The following FHOD3 variants were observed in gnomAD, a reference collection of about 807,000 sequenced individuals.
The protein encoded by FHOD3 is FH1/FH2 domain-containing protein 3.
In FHOD3, 90 loss-of-function variants were observed where a neutral mutation model predicts 173.0. The ratio of observed to expected loss-of-function variants is 0.52; its 90% CI spans 0.44 to 0.62. The LOEUF (loss-of-function observed/expected upper bound fraction) is 0.62. Ranked by LOEUF, FHOD3 falls within the 20% of genes least tolerant of loss-of-function variation. The pLI, the probability that FHOD3 is intolerant of heterozygous loss-of-function variation, is 0.00. For missense variants in FHOD3, 1,945 were observed against 2,034.7 expected (o/e 0.96, Z 0.85); for synonymous variants, 828 against 823.0 (o/e 1.01, Z -0.10).
intron 10 of FHOD3, among the ~76,000 whole-genome samples, chr18:36,635,804 A>G (rs569053767): frequency 8.5e-5 from 13 of 152,226 alleles, no homozygotes; most frequent in Non-Finnish European, 1.9e-4. Context: ...AACCCAGGAA[A>G]AATAAACTGC....
intron 5 of FHOD3, among the ~76,000 whole-genome samples, chr18:36,514,440 C>T (rs2055848075): frequency 6.6e-6 from 1 of 152,152 alleles, no homozygotes. Context: ...TCACTTTGGT[C>T]TAACACCTAG....
chr18:36,676,636 C>A, intron 14 of FHOD3, among the ~76,000 whole-genome samples: 1 of 152,124 alleles, frequency 6.6e-6, no homozygotes, highest in Non-Finnish European at 1.5e-5. Flanking sequence ...ATTTCGACTT[C>A]TAGAAGCAGT....
Position 36,625,559 on chromosome 18 carries a change from A to C in FHOD3, c.1006A>C (p.Ser336Arg), listed in dbSNP as rs908818997. ...CGATGAGACCACGGAGCCACCCCCC[A>C]GTGGGTGCCGGGACCGGAGGAGGGC... ...DGDETTEPPPSGCRDRRRASV... is the reference protein window; with the variant it reads ...DGDETTEPPPRGCRDRRRASV... Residue 336 changes from serine (S) to arginine (R), a missense_variant, in exon 10 of 29, where the codon AGT becomes CGT. Around this residue, in one of 5 missense-constraint regions of FHOD3, gnomAD observed 1,099 missense variants for 1,051.2 expected, o/e 1.05. Transcript: ENST00000590592. 6.6e-7 allele frequency: 1 copy of C among 1,514,302 alleles called. No individual in the cohort carries two copies. The highest frequency in any genetic ancestry group is 1.4e-5 in the African/African-American group (1 of 71,710). 93.8% of individuals were successfully genotyped at this position (1,514,302 alleles called of 1,614,324 possible). A position where few individuals can be genotyped will look rare whatever the true frequency, so the allele number is the denominator to read the frequency against.
intron 5 of FHOD3, among the ~76,000 whole-genome samples, chr18:36,575,499 C>T (rs1384855001): frequency 6.6e-6 from 1 of 152,092 alleles, no homozygotes; most frequent in East Asian, 1.9e-4. Context: ...GAATGGTTAT[C>T]TTTAATTTAT....
At position 36,625,500 on chromosome 18, in the gene FHOD3, T is replaced by C; in HGVS notation, c.958-11T>C. 7.1e-7 allele frequency: 1 copy of C among 1,408,056 alleles called. No homozygotes were observed. The highest frequency in any genetic ancestry group is 2.5e-5 in the Admixed American group (1 of 39,426). 87.2% of individuals were successfully genotyped at this position (1,408,056 alleles called of 1,614,324 possible). A position where few individuals can be genotyped will look rare whatever the true frequency, so the allele number is the denominator to read the frequency against. On this transcript the variant is annotated splice_polypyrimidine_tract_variant and intron_variant, in intron 9 of 28. Coordinates refer to ENST00000590592, the MANE Select transcript of FHOD3 (RefSeq NM_001281740.3). ...GCCTGACCTTGCACTGGGCGTGCTC[T>C]GCTTTTCCAGGTGGCGCTCAGGCAC...
At chr18:36,650,581 G>A (rs946811617) in intron 11 of FHOD3, among the ~76,000 whole-genome samples, 1 of 152,184 alleles carries the variant, frequency 6.6e-6, no homozygotes, top group Non-Finnish European at 1.5e-5. Flanking sequence ...ATTACTTAGA[G>A]GTGCTCTGGG....
At chr18:36,563,019 C>G (rs1018127749) in intron 5 of FHOD3, among the ~76,000 whole-genome samples, 10 of 152,278 alleles carry the variant, frequency 6.6e-5, no homozygotes, top group Non-Finnish European at 8.8e-5. Context: ...GTTTATGTGG[C>G]CTTTGCATGG....
chr18:36,648,481 A>G (rs921105765), intron 10 of FHOD3, among the ~76,000 whole-genome samples: 2 of 152,140 alleles, frequency 1.3e-5, no homozygotes, highest in Non-Finnish European at 2.9e-5. Context: ...CCCAATTGAA[A>G]CCACCCTAAG....
intron 1 of FHOD3, among the ~76,000 whole-genome samples, chr18:36,325,665 C>G (rs2044633260): frequency 6.6e-6 from 1 of 152,142 alleles, no homozygotes; most frequent in South Asian, 2.1e-4. Flanking sequence ...AGGAAGGAAT[C>G]CAAAAGCTCC....
intron 5 of FHOD3, among the ~76,000 whole-genome samples, chr18:36,524,835 G>T (rs956577927): frequency 1.3e-5 from 2 of 152,134 alleles, no homozygotes; most frequent in Non-Finnish European, 2.9e-5. Flanking sequence ...CAGCTGACTG[G>T]TTCATTCAGT....
intron 3 of FHOD3, among the ~76,000 whole-genome samples, chr18:36,472,008 G>T (rs2053313532): frequency 6.6e-6 from 1 of 152,140 alleles, no homozygotes; most frequent in Non-Finnish European, 1.5e-5. Flanking sequence ...AATACTGGCT[G>T]AGAGGATAAA....
intron 3 of FHOD3, among the ~76,000 whole-genome samples, chr18:36,495,773 G>A (rs919768665): frequency 2.6e-5 from 4 of 152,140 alleles, no homozygotes; most frequent in African/African-American, 9.7e-5. Context: ...ACATATACAC[G>A]TGGGAGACCC....
chr18:36,334,534 C>T (rs1321535614), intron 1 of FHOD3, among the ~76,000 whole-genome samples: 1 of 152,202 alleles, frequency 6.6e-6, no homozygotes, highest in Non-Finnish European at 1.5e-5. Context: ...TTTGCTGCTT[C>T]TGTAAGGGTA....
intron 5 of FHOD3, among the ~76,000 whole-genome samples, chr18:36,519,449 G>A (rs970529959): frequency 6.6e-6 from 1 of 152,182 alleles, no homozygotes; most frequent in African/African-American, 2.4e-5. Context: ...GGACTCTCTT[G>A]TCCATGTCTC....
rs909346335 is a variant in FHOD3, at chr18:36,481,523, C to T, written c.338-20409C>T. ...CTTTCTCTTTTCACCCCCTCCCCAC[C>T]CAAGTTGGTTGCAACAGAGCTTTCT... On this transcript the variant is annotated intron_variant, in intron 3 of 28. Coordinates refer to ENST00000590592, the MANE Select transcript of FHOD3 (RefSeq NM_001281740.3). Among the ~76,000 whole-genome samples, 3 of 152,010 alleles carry T rather than the reference C, an allele frequency of 2.0e-5. No individual in the cohort carries two copies. In the South Asian group the frequency reaches 6.3e-4, roughly 32 times the overall value.
chr18:36,478,119 G>A (rs916750907), intron 3 of FHOD3, among the ~76,000 whole-genome samples: 1 of 152,128 alleles, frequency 6.6e-6, no homozygotes, highest in African/African-American at 2.4e-5. Flanking sequence ...TGAGCAGAGG[G>A]TTCTGAAAGG....
chr18:36,347,099 C>T (rs2045913552), intron 1 of FHOD3, among the ~76,000 whole-genome samples: 1 of 152,140 alleles, frequency 6.6e-6, no homozygotes, highest in African/African-American at 2.4e-5. Flanking sequence ...TGGAGAAGAA[C>T]AGGAAAGGAC....
At chr18:36,538,883 T>A (rs1237555230) in intron 5 of FHOD3, among the ~76,000 whole-genome samples, 5 of 152,330 alleles carry the variant, frequency 3.3e-5, no homozygotes, top group Admixed American at 3.3e-4. Context: ...CTGCATGTGA[T>A]AAAATGATAT....
intron 3 of FHOD3, among the ~76,000 whole-genome samples, chr18:36,385,539 G>A (rs1017286525): frequency 6.6e-6 from 1 of 152,080 alleles, no homozygotes; most frequent in African/African-American, 2.4e-5. Flanking sequence ...TGGGATTATA[G>A]GCGCCCACCA....
Sources: gnomAD v4.1 joint callset for allele counts (sites outside exome capture counted in the v4.1 genomes callset) on GRCh38, gnomAD v4.1.1 for gene constraint, gnomAD v4.1.1 regional missense constraint, MANE v1.5 for transcripts, NCBI Gene and HGNC (gene_info 2026-07-23, HGNC 2026-07-21) for gene names.